Variants in CEP128 observed in about 807,000 individuals in gnomAD.
CEP128 encodes the protein centrosomal protein 128.
Under a neutral mutation model 156.7 loss-of-function variants are expected in CEP128, and 132 were observed. The ratio of observed to expected loss-of-function variants is 0.84; its 90% CI spans 0.73 to 0.97. The LOEUF is 0.97. Ranked by LOEUF, CEP128 falls within the 50% of genes least tolerant of loss-of-function variation. The pLI is 0.00. For synonymous variants in CEP128, 469 were observed against 448.9 expected (o/e 1.04, Z -0.57); for missense variants, 1,252 against 1,281.9 (o/e 0.98, Z 0.36).
At chr14:80,593,404 G>T (rs972168815) in intron 19 of CEP128, among the ~76,000 whole-genome samples, 8 of 152,020 alleles carry the variant, frequency 5.3e-5, no homozygotes, top group African/African-American at 1.9e-4. Flanking sequence ...AGCCAGGCAT[G>T]GTGGAAGGCG....
intron 19 of CEP128, among the ~76,000 whole-genome samples, chr14:80,736,162 C>T (rs777634705): frequency 3.3e-4 from 50 of 151,764 alleles, no homozygotes; most frequent in South Asian, 2.1e-4. Context: ...AAAGCAGAAA[C>T]GACCTCCCAG....
chr14:80,863,363 TATCA>T (rs1210336534), intron 8 of CEP128, among the ~76,000 whole-genome samples: 2 of 152,230 alleles, frequency 1.3e-5, no homozygotes, highest in African/African-American at 4.8e-5. Context: ...TACATTAGCT[TATCA>T]ATCTTTTCTA....
At chr14:80,704,738 G>C (rs1897182230) in intron 19 of CEP128, among the ~76,000 whole-genome samples, 1 of 147,676 alleles carries the variant, frequency 6.8e-6, no homozygotes, top group African/African-American at 2.4e-5. Context: ...AACTGATTCT[G>C]TCTCTCCTTC....
chr14:80,512,788 T>G (rs1271222406), intron 23 of CEP128, among the ~76,000 whole-genome samples: 1 of 149,464 alleles, frequency 6.7e-6, no homozygotes, highest in East Asian at 1.9e-4. Context: ...TAACATAACA[T>G]GTTATTTTAA....
chr14:80,479,610 G>C (rs927649784), intron 14 of CEP128, among the ~76,000 whole-genome samples: 5 of 152,118 alleles, frequency 3.3e-5, no homozygotes, highest in Non-Finnish European at 7.3e-5. Flanking sequence ...GGGAATTCTG[G>C]GAGGTAGAAT....
chr14:80,685,841 C>T (rs1896503489), intron 19 of CEP128, among the ~76,000 whole-genome samples: 1 of 151,954 alleles, frequency 6.6e-6, no homozygotes. Flanking sequence ...ACAAAGTCAA[C>T]AAAAATTATT....
In CEP128 at chr14:80,706,906, A is replaced by G. The variant is rs1193546664; in HGVS notation, c.2806+36169T>C. Among the ~76,000 whole-genome samples, 3 of 152,118 alleles carry G rather than the reference A, an allele frequency of 2.0e-5. No homozygotes were observed. In the South Asian group the frequency reaches 6.2e-4, roughly 32 times the overall value. ...ATTCTATCTTCTGTTATCTCATTCTACTACTCAACCCATCCGTGATATTTT... is the reference window on the plus strand; with the variant it reads ...ATTCTATCTTCTGTTATCTCATTCTGCTACTCAACCCATCCGTGATATTTT... On this transcript the variant is annotated intron_variant, in intron 19 of 24. Coordinates refer to ENST00000555265, the MANE Select transcript of CEP128 (RefSeq NM_152446.5).
At chr14:80,715,144 G>A (rs1289322657) in intron 19 of CEP128, among the ~76,000 whole-genome samples, 1 of 151,982 alleles carries the variant, frequency 6.6e-6, no homozygotes, top group Non-Finnish European at 1.5e-5. Context: ...GATCACCTGA[G>A]CCTGTCAGGT....
intron 21 of CEP128, among the ~76,000 whole-genome samples, chr14:80,533,800 G>C (rs1407901270): frequency 6.6e-6 from 1 of 151,766 alleles, no homozygotes; most frequent in East Asian, 1.9e-4. Context: ...AACACTTTCT[G>C]GTACACATAC....
At chr14:80,891,585 C>CAA (rs34380899) in intron 8 of CEP128, among the ~76,000 whole-genome samples, 9 of 97,114 alleles carry the variant, frequency 9.3e-5, no homozygotes, top group Non-Finnish European at 1.8e-4. Context: ...TTACTAGGTG[C>CAA]AAAAAAAAAA....
rs1264263452 is a variant in CEP128 at position 80,853,091 on chromosome 14, AAAAT to A, written c.762+9662_762+9665del. ...ATTTCACAACCCATTCATGATTTTT[AAAAT>A]AAATAAATAAATAACAGCAAACATC... On this transcript the variant is annotated intron_variant, in intron 9 of 24. Coordinates refer to ENST00000555265, the MANE Select transcript of CEP128 (RefSeq NM_152446.5). Among the ~76,000 whole-genome samples, 12 of 151,902 alleles carry A rather than the reference AAAAT, an allele frequency of 7.9e-5. 1 individual carries two copies. The highest frequency in any genetic ancestry group is 7.9e-4 in the Admixed American group (12 of 15,238).
intron 8 of CEP128, among the ~76,000 whole-genome samples, chr14:80,885,123 C>T (rs1257758107): frequency 6.6e-6 from 1 of 152,192 alleles, no homozygotes; most frequent in East Asian, 1.9e-4. Context: ...GCAGCAGCCC[C>T]AGTCAGCGGC....
At chr14:80,548,797 T>C (rs1041299895) in intron 21 of CEP128, among the ~76,000 whole-genome samples, 1 of 152,204 alleles carries the variant, frequency 6.6e-6, no homozygotes, top group African/African-American at 2.4e-5. Flanking sequence ...AATTCAATAA[T>C]ACTAAGTTCA....
downstream of CEP128, among the ~76,000 whole-genome samples, chr14:80,490,139 T>C (rs752564740): frequency 6.6e-6 from 1 of 152,050 alleles, no homozygotes; most frequent in Non-Finnish European, 1.5e-5. Context: ...CACTGTAAGA[T>C]AAAAGGCCAA....
chr14:80,534,141 T>G (rs946807639), intron 21 of CEP128, among the ~76,000 whole-genome samples: 1 of 149,782 alleles, frequency 6.7e-6, no homozygotes, highest in Non-Finnish European at 1.5e-5. Flanking sequence ...ATTTTCTGGC[T>G]CTTCTCTCTC....
At position 80,863,838 on chromosome 14, in the gene CEP128, A is replaced by G. The variant is rs181950182; in HGVS notation, c.646-965T>C. Among the ~76,000 whole-genome samples, 12 of 152,338 alleles carry G rather than the reference A, an allele frequency of 7.9e-5. No individual in the cohort carries two copies. The East Asian group carries it at 2.3e-3, about 29-fold the overall frequency. ...AGTAAATGTATGGAAAAAAAAAGTT[A>G]TTGAATTGTACACTTAAAGCATTAA... is the stretch of plus-strand genomic sequence containing the variant. On this transcript the variant is annotated intron_variant, in intron 8 of 24. Transcript: ENST00000555265.
At chr14:80,911,984 C>A (rs995591782) in intron 4 of CEP128, among the ~76,000 whole-genome samples, 9 of 152,148 alleles carry the variant, frequency 5.9e-5, no homozygotes, top group African/African-American at 2.2e-4. Flanking sequence ...TTTGGGAGGC[C>A]AAGGCAGGCG....
chr14:80,526,773 G>T, intron 23 of CEP128, 96 bp downstream of exon 23: 1 of 588,326 alleles, frequency 1.7e-6, no homozygotes. Flanking sequence ...TCTTTCACAA[G>T]TGCCCTTACA....
chr14:80,618,628 C>T (rs749479889), intron 19 of CEP128, among the ~76,000 whole-genome samples: 1 of 152,096 alleles, frequency 6.6e-6, no homozygotes, highest in African/African-American at 2.4e-5. Context: ...AAAGATAGGC[C>T]GTAACTGCTG....
Sources: allele counts gnomAD v4.1 joint callset (sites outside exome capture counted in the v4.1 genomes callset), GRCh38; gene constraint gnomAD v4.1.1; transcripts MANE v1.5; gene names NCBI Gene and HGNC (gene_info 2026-07-23, HGNC 2026-07-21).